HOOK1: variants seen among roughly 807,000 people sequenced by gnomAD.
HOOK1 encodes hook microtubule tethering protein 1, also known as protein Hook homolog 1.
Under a neutral mutation model 112.8 loss-of-function variants are expected in HOOK1, and 60 were observed. The observed-to-expected ratio is 0.53, with a 90% confidence interval of 0.43 to 0.66. The LOEUF is 0.66. HOOK1 is among the 30% of genes least tolerant of loss of function. HOOK1 has a pLI of 0.00. For missense variants in HOOK1, 770 were observed against 856.0 expected (o/e 0.90, Z 1.25); for synonymous variants, 294 against 283.8 (o/e 1.04, Z -0.36).
intron 8 of HOOK1, 69 bp from the exon 9 acceptor site, chr1:59,843,363 C>T: frequency 8.9e-7 from 1 of 1,125,118 alleles, no homozygotes; most frequent in Non-Finnish European, 1.3e-6. Flanking sequence ...GAACTCTAGA[C>T]TCTAATAAGA....
intron 19 of HOOK1, 114 bp downstream of exon 19, chr1:59,866,086 C>T: frequency 1.5e-6 from 1 of 646,896 alleles, no homozygotes; most frequent in South Asian, 1.7e-5. Flanking sequence ...TCTCTCTTAA[C>T]TGTATTGCCT....
chr1:59,857,588 T>C (rs1320461218), intron 12 of HOOK1, among the ~76,000 whole-genome samples: 1 of 152,228 alleles, frequency 6.6e-6, no homozygotes, highest in Non-Finnish European at 1.5e-5. Context: ...CAGAGATCCT[T>C]AAGGCACCTA....
rs535912377 is a variant in HOOK1, at chr1:59,866,546, T to C, written c.1845+574T>C. Among the ~76,000 whole-genome samples the C allele has an allele frequency of 2.0e-5, 3 of 152,272 alleles. No homozygotes were observed. The South Asian group carries it at 6.2e-4, about 32-fold the overall frequency. ...CATGTAGTCATTCAGAGTCCTAAGC[T>C]GACAGAGGCTCTGCCTTCTTCAGCA... On this transcript the variant is annotated intron_variant, in intron 19 of 21. Transcript: ENST00000371208.
At chr1:59,823,342 A>C (rs1267436168) in intron 2 of HOOK1, among the ~76,000 whole-genome samples, 1 of 152,198 alleles carries the variant, frequency 6.6e-6, no homozygotes, top group East Asian at 1.9e-4. Context: ...ACAAACAAAC[A>C]AAATTTTATT....
intron 2 of HOOK1, 60 bp from the exon 3 acceptor site, chr1:59,828,716 CTATT>C: frequency 7.2e-7 from 1 of 1,395,484 alleles, no homozygotes; most frequent in Non-Finnish European, 1.0e-6. Flanking sequence ...TCTGTTGGCT[CTATT>C]TAATTTTTTG....
chr1:59,844,315 A>AC (rs1010900955), intron 9 of HOOK1, among the ~76,000 whole-genome samples: 4 of 151,898 alleles, frequency 2.6e-5, no homozygotes, highest in African/African-American at 9.7e-5. Context: ...ATGTCTCTTT[A>AC]CCCCTGTATA....
At chr1:59,834,453 A>G (rs565169018) in intron 5 of HOOK1, among the ~76,000 whole-genome samples, 2 of 152,294 alleles carry the variant, frequency 1.3e-5, no homozygotes, top group South Asian at 2.1e-4. Context: ...ATATTAGTCC[A>G]TCTCTACTAT....
At chr1:59,872,088 C>T (rs1574231400) in intron 21 of HOOK1, among the ~76,000 whole-genome samples, 1 of 152,078 alleles carries the variant, frequency 6.6e-6, no homozygotes, top group Admixed American at 6.6e-5. Flanking sequence ...TCATTTTTTT[C>T]AGCCTATATT....
intron 1 of HOOK1, among the ~76,000 whole-genome samples, chr1:59,816,936 T>C (rs1023588136): frequency 2.0e-5 from 3 of 152,114 alleles, no homozygotes; most frequent in Non-Finnish European, 4.4e-5. Context: ...AACCAGACAG[T>C]TTCTCTCACA....
Position 59,865,877 on chromosome 1 carries a change from A to G in HOOK1, c.1750A>G (p.Lys584Glu). 6.5e-7 allele frequency: 1 copy of G among 1,545,780 alleles called. No homozygotes were observed. Among genetic ancestry groups the G allele is most frequent in the Admixed American group, 1.9e-5 (1 of 53,044 alleles). ...LQPDINQNVQKINELEAALQK... is the reference protein window; with the variant it reads ...LQPDINQNVQEINELEAALQK... Reference sequence around the variant, plus strand: ...CATTTTATTTTTACTAATAGTACAAAAGATCAATGAACTTGAAGCTGCTCT... The same window carrying G: ...CATTTTATTTTTACTAATAGTACAAGAGATCAATGAACTTGAAGCTGCTCT... Residue 584 changes from lysine to glutamate, a missense_variant, in exon 19 of 22, where the codon AAG (lysine) becomes GAG (glutamate). Coordinates refer to ENST00000371208, the MANE Select transcript of HOOK1 (RefSeq NM_015888.6).
intron 1 of HOOK1, 147 bp from the exon 2 acceptor site, chr1:59,821,711 T>A (rs1209449365): frequency 1.1e-5 from 6 of 566,734 alleles, no homozygotes; most frequent in Non-Finnish European, 1.8e-5. Flanking sequence ...TAGTTCCATT[T>A]GTTTGTCTGG....
chr1:59,823,225 CAGG>C (rs2102006598), intron 2 of HOOK1, among the ~76,000 whole-genome samples: 2 of 152,288 alleles, frequency 1.3e-5, no homozygotes, highest in South Asian at 4.1e-4. Flanking sequence ...GAGGCTGAGG[CAGG>C]AGAATGGCGT....
At position 59,815,213 on chromosome 1, in the gene HOOK1, C is replaced by T. The variant is rs892297597; in HGVS notation, c.63+33C>T. 22 of 1,536,540 alleles carry T rather than the reference C, an allele frequency of 1.4e-5. No homozygotes were observed. In the African/African-American group the frequency reaches 2.9e-4, roughly 20 times the overall value. On this transcript the variant is annotated intron_variant, in intron 1 of 21. Transcript: ENST00000371208. Reference sequence around the variant, plus strand: ...CGAGGAGGCGAGAGGGCGAGGGGGCCAGGGGGCCGAGGCGAGGAGCCTGGG... The same window carrying T: ...CGAGGAGGCGAGAGGGCGAGGGGGCTAGGGGGCCGAGGCGAGGAGCCTGGG...
At chr1:59,840,768 C>CA (rs1466940876) in intron 8 of HOOK1, among the ~76,000 whole-genome samples, 2 of 152,080 alleles carry the variant, frequency 1.3e-5, no homozygotes, top group Non-Finnish European at 2.9e-5. Context: ...ACTTCCCCCC[C>CA]AGTAAATTCA....
chr1:59,860,148 A>T (rs1215719692), intron 14 of HOOK1, 40 bp from the exon 15 acceptor site: 5 of 1,497,406 alleles, frequency 3.3e-6, no homozygotes, highest in Non-Finnish European at 4.5e-6. Flanking sequence ...AATGACTCAT[A>T]TTTTTAAAAA....
intron 20 of HOOK1, among the ~76,000 whole-genome samples, chr1:59,870,295 C>T (rs1318851070): frequency 6.6e-6 from 1 of 152,162 alleles, no homozygotes; most frequent in Non-Finnish European, 1.5e-5. Flanking sequence ...TTAATTTGTG[C>T]GTATTCATCT....
In HOOK1 at chr1:59,871,090, G is replaced by A; in HGVS notation, c.1996G>A (p.Val666Ile). The change falls in exon 21 of 22, where the codon GTT (valine) becomes ATT (isoleucine). Residue 666 changes from valine (V) to isoleucine (I), a missense_variant. Val to Ile is a conservative substitution (Grantham distance 29). Coordinates refer to ENST00000371208, the MANE Select transcript of HOOK1 (RefSeq NM_015888.6). Reference sequence around the variant, plus strand: ...CCGTGATTATGAAGAAAAACTCATTGTTTCTGCGTGGTATAATAAGGTGAG... The same window carrying A: ...CCGTGATTATGAAGAAAAACTCATTATTTCTGCGTGGTATAATAAGGTGAG... Reference protein sequence around the residue: ...KFRDYEEKLIVSAWYNKSLAF... With the variant: ...KFRDYEEKLIISAWYNKSLAF... 6.2e-7 allele frequency: 1 copy of A among 1,611,774 alleles called. No individual in the cohort carries two copies. Among genetic ancestry groups the A allele is most frequent in the African/African-American group, 1.3e-5 (1 of 74,976 alleles).
chr1:59,829,778 C>T (rs955231958), intron 3 of HOOK1, among the ~76,000 whole-genome samples: 1 of 151,980 alleles, frequency 6.6e-6, no homozygotes, highest in African/African-American at 2.4e-5. Context: ...CTTTCTCTCA[C>T]TTAACCTGTT....
At chr1:59,867,478 G>T (rs1026577434) in intron 19 of HOOK1, among the ~76,000 whole-genome samples, 3 of 152,074 alleles carry the variant, frequency 2.0e-5, no homozygotes, top group Non-Finnish European at 4.4e-5. Context: ...CTCTATAAAT[G>T]TAGATGAAGT....
Sources: gnomAD v4.1 joint callset for allele counts (sites outside exome capture counted in the v4.1 genomes callset) on GRCh38, gnomAD v4.1.1 for gene constraint, MANE v1.5 for transcripts, NCBI Gene and HGNC (gene_info 2026-07-23, HGNC 2026-07-21) for gene names.